Variants in ELAVL3 observed in about 807,000 individuals in gnomAD.
The protein encoded by ELAVL3 is ELAV-like protein 3.
In ELAVL3, 8 loss-of-function variants were observed where a neutral mutation model predicts 34.2. That is an observed-to-expected ratio of 0.23 (90% CI 0.14 to 0.42). The LOEUF (loss-of-function observed/expected upper bound fraction) is 0.42, where lower values mean the gene tolerates loss of function less well. Ranked by LOEUF, ELAVL3 falls within the 10% of genes least tolerant of loss-of-function variation. The probability of loss-of-function intolerance (pLI) is 1.00; values close to 1 mark genes in which losing one functional copy is unlikely to be tolerated. For synonymous variants in ELAVL3, 209 were observed against 222.1 expected (o/e 0.94, Z 0.53); for missense variants, 273 against 518.8 (o/e 0.53, Z 4.60).
In ELAVL3 at chr19:11,466,858, C is replaced by A. The variant is rs1330612905; in HGVS notation, c.10-31G>T. 5.8e-6 allele frequency: 9 copies of A among 1,549,880 alleles called. No homozygotes were observed. Among genetic ancestry groups the A allele is most frequent in the East Asian group, 2.4e-5 (1 of 41,462 alleles). On this transcript the variant is annotated intron_variant, in intron 1 of 6. Transcript: ENST00000359227. The surrounding 1 kb of genome is among the most constrained non-coding windows in gnomAD (Gnocchi z 5.0). ...GATAACAGGTCGCATCCGCTCACCGCCCAGTCCCCACACCAGGGGCCTGCG... is the reference window on the plus strand; with the variant it reads ...GATAACAGGTCGCATCCGCTCACCGACCAGTCCCCACACCAGGGGCCTGCG...
chr19:11,464,098 CCT>C (rs1244106682), intron 3 of ELAVL3, among the ~76,000 whole-genome samples: 44 of 134,854 alleles, frequency 3.3e-4, no homozygotes, highest in Admixed American at 7.9e-4. Context: ...CCTCTCTCTC[CCT>C]CTCTCTCTCT....
At chr19:11,478,408 G>A (rs916593810) in intron 1 of ELAVL3, among the ~76,000 whole-genome samples, 30 of 152,126 alleles carry the variant, frequency 2.0e-4, no homozygotes, top group African/African-American at 6.8e-4. Context: ...ATTGATGGAA[G>A]CCACACCCGC....
rs148509524 is a variant in ELAVL3, at chr19:11,466,711, G to A, written c.126C>T (p.Ile42=). The A allele has an allele frequency of 3.3e-5, 53 of 1,614,080 alleles. No individual in the cohort carries two copies. The highest frequency in any genetic ancestry group is 3.6e-5 in the Non-Finnish European group (43 of 1,180,032). The change falls in exon 2 of 7, where the codon ATC becomes ATT. Residue 42 remains isoleucine, a synonymous_variant. Coordinates refer to ENST00000359227, the MANE Select transcript of ELAVL3 (RefSeq NM_001420.4). The surrounding 1 kb of genome is among the most constrained non-coding windows in gnomAD (Gnocchi z 5.0). ...TCATGTTCTGGGGCAGGTAGTTGAC[G>A]ATGAGGTTGGTCTTGCTGTCGTCAG... ...GATDDSKTNL[I]VNYLPQNMTQ...
intron 1 of ELAVL3, among the ~76,000 whole-genome samples, chr19:11,472,978 A>C (rs1474680442): frequency 6.6e-6 from 1 of 150,418 alleles, no homozygotes; most frequent in Admixed American, 6.6e-5. Flanking sequence ...GAGGCAGGAG[A>C]ATCACTTGAA....
intron 3 of ELAVL3, among the ~76,000 whole-genome samples, chr19:11,465,256 CCG>C (rs1971020599): frequency 9.2e-6 from 1 of 108,504 alleles, no homozygotes; most frequent in African/African-American, 5.7e-5. Context: ...CACATACACA[CCG>C]CACACATACA....
chr19:11,480,826 G>T lies in ELAVL3; in HGVS notation c.-218C>A. 2.6e-6 allele frequency: 1 copy of T among 391,960 alleles called. No homozygotes were observed. Among genetic ancestry groups the T allele is most frequent in the East Asian group, 3.8e-5 (1 of 26,486 alleles). The allele number at this position is 391,960 out of a possible 1,614,324, so 24.3% of individuals were successfully genotyped here. On this transcript the variant is annotated 5_prime_UTR_variant, in exon 1 of 7. Coordinates refer to ENST00000359227, the MANE Select transcript of ELAVL3 (RefSeq NM_001420.4). The surrounding 1 kb of genome is among the most constrained non-coding windows in gnomAD (Gnocchi z 6.8). ...ATGGCCGGGCCCCGGGGTGGCCTGC[G>T]GGCGGCAGGGGATGGAAAGAGGGAG...
intron 1 of ELAVL3, among the ~76,000 whole-genome samples, chr19:11,479,999 C>G (rs1282045506): frequency 6.6e-6 from 1 of 151,508 alleles, no homozygotes; most frequent in African/African-American, 2.4e-5. Flanking sequence ...CTGCGGCCCG[C>G]GAAGAAGCGC....
At chr19:11,456,775 C>T (rs778020294) in intron 6 of ELAVL3, among the ~76,000 whole-genome samples, 26 of 152,036 alleles carry the variant, frequency 1.7e-4, no homozygotes, top group African/African-American at 4.6e-4. Flanking sequence ...GCGATCCTCC[C>T]GCCTCAGCCT....
chr19:11,454,972 T>C lies in ELAVL3; in HGVS notation c.753-95A>G. On this transcript the variant is annotated intron_variant, in intron 6 of 6. Coordinates refer to ENST00000359227, the MANE Select transcript of ELAVL3 (RefSeq NM_001420.4). The surrounding 1 kb of genome is among the most constrained non-coding windows in gnomAD (Gnocchi z 9.2). The stretch of plus-strand genomic sequence containing the variant: ...ACCTTTATGACCCCTGACTGTGCCA[T>C]GACCTTGGAATGGTGTGACCCCTGC... 3 of 1,386,302 alleles carry C rather than the reference T, an allele frequency of 2.2e-6. No individual in the cohort carries two copies. The highest frequency in any genetic ancestry group is 1.4e-5 in the South Asian group (1 of 72,992). 85.9% of individuals were successfully genotyped at this position (1,386,302 alleles called of 1,614,324 possible).
chr19:11,460,336 C>T (rs1970857105), intron 3 of ELAVL3, among the ~76,000 whole-genome samples: 1 of 150,910 alleles, frequency 6.6e-6, no homozygotes, highest in South Asian at 2.1e-4. Context: ...ACCCTGGCCC[C>T]CCCTGCTCCC....
intron 1 of ELAVL3, among the ~76,000 whole-genome samples, chr19:11,477,709 TTG>T (rs1971288597): frequency 6.6e-6 from 1 of 151,202 alleles, no homozygotes; most frequent in South Asian, 2.1e-4. Context: ...TTTTTTTTTT[TTG>T]AGATGGAGTC....
intron 3 of ELAVL3, among the ~76,000 whole-genome samples, chr19:11,459,011 G>C (rs986091479): frequency 1.3e-4 from 20 of 151,406 alleles, no homozygotes; most frequent in African/African-American, 4.6e-4. Flanking sequence ...GCAATGGTGT[G>C]ATCTCAGCTC....
In ELAVL3 at chr19:11,480,648, C is replaced by T. The variant is rs1468310268; in HGVS notation, c.-40G>A. On this transcript the variant is annotated 5_prime_UTR_variant, in exon 1 of 7. Transcript: ENST00000359227. This position sits in a 1 kb window ranked among gnomAD's most constrained non-coding sequence, Gnocchi z 6.8. Reference sequence around the variant, plus strand: ...CGGGCGCGGTCCGTGTTGAGGGGGGCTCCGGGGGTGGTGCACTCCTAGGGG... The same window carrying T: ...CGGGCGCGGTCCGTGTTGAGGGGGGTTCCGGGGGTGGTGCACTCCTAGGGG... The T allele has an allele frequency of 7.1e-6, 10 of 1,415,358 alleles. No individual in the cohort carries two copies. Among genetic ancestry groups the T allele is most frequent in the Non-Finnish European group, 9.3e-6 (10 of 1,077,834 alleles). The allele number at this position is 1,415,358 out of a possible 1,614,324, so 87.7% of individuals were successfully genotyped here.
chr19:11,454,916 G>C lies in ELAVL3; in HGVS notation c.753-39C>G. The C allele has an allele frequency of 6.4e-7, 1 of 1,553,198 alleles. No homozygotes were observed. The highest frequency in any genetic ancestry group is 8.7e-7 in the Non-Finnish European group (1 of 1,153,054). ...CACGCGGGCTCTGCCCTGACCCCCCGCATGCTTCTGACCCCGTTGTGACCC... is the reference window on the plus strand; with the variant it reads ...CACGCGGGCTCTGCCCTGACCCCCCCCATGCTTCTGACCCCGTTGTGACCC... On this transcript the variant is annotated intron_variant, in intron 6 of 6. Coordinates refer to ENST00000359227, the MANE Select transcript of ELAVL3 (RefSeq NM_001420.4). The surrounding 1 kb of genome is among the most constrained non-coding windows in gnomAD (Gnocchi z 9.2).
chr19:11,470,512 CAA>C (rs56714750), intron 1 of ELAVL3, among the ~76,000 whole-genome samples: 11 of 124,716 alleles, frequency 8.8e-5, no homozygotes, highest in Admixed American at 8.5e-5. Flanking sequence ...ACTAGAAATA[CAA>C]AAAAAAAAAA....
chr19:11,466,357 C>T lies in ELAVL3; in HGVS notation c.230-82G>A. On this transcript the variant is annotated intron_variant, in intron 2 of 6. Transcript: ENST00000359227. The surrounding 1 kb of genome is among the most constrained non-coding windows in gnomAD (Gnocchi z 5.0). ...CCCACCTCAGGCCTGAGAGACTGTC[C>T]CCTCCCCACCAAGTTTCCACCTTCC... is the stretch of plus-strand genomic sequence containing the variant. 2 of 1,328,338 alleles carry T rather than the reference C, an allele frequency of 1.5e-6. No homozygotes were observed. 82.3% of individuals were successfully genotyped at this position (1,328,338 alleles called of 1,614,324 possible).
At chr19:11,465,348 G>A (rs10424320) in intron 3 of ELAVL3, among the ~76,000 whole-genome samples, 37,153 of 131,378 alleles carry the variant, frequency 0.28, 6,816 homozygotes, top group African/African-American at 0.6. Flanking sequence ...ACACACATGC[G>A]TACACACACA....
chr19:11,464,341 T>G (rs1028971186), intron 3 of ELAVL3, among the ~76,000 whole-genome samples: 8 of 151,534 alleles, frequency 5.3e-5, no homozygotes, highest in African/African-American at 1.9e-4. Flanking sequence ...AAATTTTTTT[T>G]TTTTAGGAAC....
intron 1 of ELAVL3, among the ~76,000 whole-genome samples, chr19:11,475,581 G>A (rs571446683): frequency 2.0e-3 from 305 of 151,694 alleles, no homozygotes; most frequent in African/African-American, 7.0e-3. Context: ...TGGGAGTACA[G>A]GCATGAGTCA....
Sources: allele counts gnomAD v4.1 joint callset (sites outside exome capture counted in the v4.1 genomes callset), GRCh38; gene constraint gnomAD v4.1.1; non-coding constraint Gnocchi (gnomAD v3.1); transcripts MANE v1.5; gene names NCBI Gene and HGNC (gene_info 2026-07-23, HGNC 2026-07-21).